Variants in CFAP46 observed in about 807,000 individuals in gnomAD.
The protein encoded by CFAP46 is cilia and flagella associated protein 46.
CFAP46 carries 245 observed loss-of-function variants against 325.7 expected under a neutral mutation model. The observed-to-expected ratio is 0.75, with a 90% CI of 0.68 to 0.84. The LOEUF (loss-of-function observed/expected upper bound fraction) is 0.84. Among genes scored for constraint, CFAP46 ranks in the 40% least tolerant of loss-of-function variants. CFAP46 has a pLI of 0.00. For missense variants in CFAP46, 3,346 were observed against 3,543.0 expected (o/e 0.94, Z 1.41); for synonymous variants, 1,523 against 1,495.9 (o/e 1.02, Z -0.42).
intron 50 of CFAP46, among the ~76,000 whole-genome samples, chr10:132,822,975 TGCA>T (rs1156917459): frequency 1.4e-5 from 2 of 143,782 alleles, no homozygotes; most frequent in South Asian, 2.3e-4. Flanking sequence ...GTGCTGTGTG[TGCA>T]GTGATGTGTG....
chr10:132,878,543 G>A (rs1407947891), intron 29 of CFAP46, among the ~76,000 whole-genome samples: 1 of 152,226 alleles, frequency 6.6e-6, no homozygotes, highest in Non-Finnish European at 1.5e-5. Context: ...GGCCCTGGGG[G>A]AGACTTGCCA....
intron 22 of CFAP46, among the ~76,000 whole-genome samples, chr10:132,900,884 G>A (rs536004187): frequency 5.9e-5 from 9 of 152,342 alleles, no homozygotes; most frequent in Admixed American, 1.3e-4. Flanking sequence ...AGCTAGAATC[G>A]TAGACGTATC....
At position 132,869,387 on chromosome 10, in the gene CFAP46, G is replaced by T; in HGVS notation, c.4512-15C>A. 1 of 1,514,460 alleles carries T rather than the reference G, an allele frequency of 6.6e-7. No homozygotes were observed. The highest frequency in any genetic ancestry group is 2.5e-5 in the East Asian group (1 of 39,914). The allele number at this position is 1,514,460 out of a possible 1,614,324, so 93.8% of individuals were successfully genotyped here. ...CGTGGGCGAGGCTGTGGGGAGTGTG[G>T]CCGAAAGAGTCAGTGTTGCACGGGC... is the stretch of plus-strand genomic sequence containing the variant. On this transcript the variant is annotated splice_polypyrimidine_tract_variant and intron_variant, in intron 32 of 57. Coordinates refer to ENST00000368586, the MANE Select transcript of CFAP46 (RefSeq NM_001200049.3). This position sits in a 1 kb window ranked among gnomAD's most constrained non-coding sequence, Gnocchi z 6.2.
intron 28 of CFAP46, among the ~76,000 whole-genome samples, chr10:132,879,969 C>G (rs1849014420): frequency 6.6e-6 from 1 of 152,160 alleles, no homozygotes; most frequent in Non-Finnish European, 1.5e-5. Flanking sequence ...CCCAGACTGT[C>G]CCAAGGGCCT....
At chr10:132,837,931 A>ATGCACAGACACAGACACGCACGTG (rs1554876894) in intron 44 of CFAP46, among the ~76,000 whole-genome samples, 11 of 142,216 alleles carry the variant, frequency 7.7e-5, no homozygotes, top group East Asian at 2.0e-4. Flanking sequence ...ACACGCAGAC[A>ATGCACAGACACAGACACGCACGTG]TGCACGGACA....
At chr10:132,882,690 G>C (rs1305002219) in intron 27 of CFAP46, among the ~76,000 whole-genome samples, 1 of 151,992 alleles carries the variant, frequency 6.6e-6, no homozygotes, top group East Asian at 1.9e-4. Flanking sequence ...AGATGGCCAA[G>C]GTCCTGCCCT....
In CFAP46 at chr10:132,832,388, G is replaced by GCCCCCGC. The variant is rs796737680; in HGVS notation, c.7117+969_7117+970insGCGGGGG. Among the ~76,000 whole-genome samples the GCCCCCGC allele has an allele frequency of 2.8e-5, 3 of 106,048 alleles. No homozygotes were observed. Among genetic ancestry groups the GCCCCCGC allele is most frequent in the African/African-American group, 1.2e-4 (3 of 24,994 alleles). 69.6% of individuals were successfully genotyped at this position (106,048 alleles called of 152,430 possible). On this transcript the variant is annotated intron_variant, in intron 50 of 57. Coordinates refer to ENST00000368586, the MANE Select transcript of CFAP46 (RefSeq NM_001200049.3). The surrounding 1 kb of genome is among the most constrained non-coding windows in gnomAD (Gnocchi z 4.1). ...TTGCGGAGACCCCTGGGCTCTTCCT[G>GCCCCCGC]CCCCCCCCCCCCAATGCTGTGGCCT...
Position 132,934,634 on chromosome 10 carries a change from T to G in CFAP46, c.866+118A>C. On this transcript the variant is annotated intron_variant, in intron 8 of 57. Coordinates refer to ENST00000368586, the MANE Select transcript of CFAP46 (RefSeq NM_001200049.3). ...ACCTTACTAAAACCTCCACAATGGC[T>G]GGCTTTTGCAAAGGTGGTTCTAGTT... 3 of 678,806 alleles carry G rather than the reference T, an allele frequency of 4.4e-6. No individual in the cohort carries two copies. In the South Asian group the frequency reaches 5.4e-5, roughly 12 times the overall value. The allele number at this position is 678,806 out of a possible 1,614,324, so 42.0% of individuals were successfully genotyped here. A position where few individuals can be genotyped will look rare whatever the true frequency, so the allele number is the denominator to read the frequency against.
In CFAP46 at chr10:132,886,221, A is replaced by G. The variant is rs1029414874; in HGVS notation, c.3305-262T>C. Among the ~76,000 whole-genome samples, 3 of 152,044 alleles carry G rather than the reference A, an allele frequency of 2.0e-5. No homozygotes were observed. Among genetic ancestry groups the G allele is most frequent in the Non-Finnish European group, 4.4e-5 (3 of 67,998 alleles). The stretch of plus-strand genomic sequence containing the variant: ...GTCTCCTTGCTGCCTGTCACTCTCC[A>G]TCTCCTTGGAGAATTCTGCGTTCAC... On this transcript the variant is annotated intron_variant, in intron 25 of 57. Coordinates refer to ENST00000368586, the MANE Select transcript of CFAP46 (RefSeq NM_001200049.3). The surrounding 1 kb of genome is among the most constrained non-coding windows in gnomAD (Gnocchi z 5.8).
At chr10:132,890,545 C>G (rs1318807776) in intron 25 of CFAP46, among the ~76,000 whole-genome samples, 1 of 152,160 alleles carries the variant, frequency 6.6e-6, no homozygotes, top group Non-Finnish European at 1.5e-5. Context: ...GGAGTCCCCC[C>G]CAGAGGAGCG....
At chr10:132,927,370 C>T (rs1049189352) in intron 9 of CFAP46, among the ~76,000 whole-genome samples, 3 of 151,162 alleles carry the variant, frequency 2.0e-5, no homozygotes, top group Non-Finnish European at 1.5e-5. Context: ...CAGACGCCTC[C>T]GTCCCGGGGA....
At chr10:132,842,566 T>C (rs927410654) in intron 44 of CFAP46, among the ~76,000 whole-genome samples, 14 of 152,246 alleles carry the variant, frequency 9.2e-5, no homozygotes, top group Non-Finnish European at 1.8e-4. Context: ...CTCAGTTCCA[T>C]AGCTGCTTCC....
At chr10:132,860,090 A>G (rs1283672149) in intron 37 of CFAP46, among the ~76,000 whole-genome samples, 1 of 152,240 alleles carries the variant, frequency 6.6e-6, no homozygotes, top group East Asian at 1.9e-4. Flanking sequence ...TGAAAGCTAT[A>G]AGAACACACT....
intron 44 of CFAP46, among the ~76,000 whole-genome samples, chr10:132,841,682 G>A (rs1402828782): frequency 1.3e-5 from 2 of 152,224 alleles, no homozygotes; most frequent in Non-Finnish European, 1.5e-5. Flanking sequence ...CAAGCCTGCA[G>A]AATCAGTGCC....
In CFAP46 at chr10:132,834,687, G is replaced by T. The variant is rs148109095; in HGVS notation, c.6833C>A (p.Pro2278Gln). ...GGAGAGGCTGAGCAGGGGGAATAGC[G>T]GCTGCAGAAGCTCCTCCAGGGGCCC... ...VLGPLEELLQ[P>Q]LFPLLSLSKA... Residue 2278 changes from proline (P) to glutamine (Q), a missense_variant, in exon 48 of 58, where the codon CCG becomes CAG. By Grantham distance (76) the Pro-to-Gln change is moderately conservative (BLOSUM62 -1). Coordinates refer to ENST00000368586, the MANE Select transcript of CFAP46 (RefSeq NM_001200049.3). 3.7e-6 allele frequency: 6 copies of T among 1,613,032 alleles called. No individual in the cohort carries two copies. In the Admixed American group the frequency reaches 1.0e-4, roughly 27 times the overall value.
At chr10:132,845,969 C>T (rs1487100537) in intron 44 of CFAP46, 88 bp downstream of exon 44, 21 of 1,389,470 alleles carry the variant, frequency 1.5e-5, no homozygotes, top group South Asian at 6.9e-5. Context: ...AAGGCTGCCT[C>T]GCTCAGGCGT....
intron 50 of CFAP46, among the ~76,000 whole-genome samples, chr10:132,826,593 G>A (rs1394524061): frequency 3.9e-5 from 5 of 128,898 alleles, no homozygotes; most frequent in Non-Finnish European, 8.4e-5. Flanking sequence ...CCAGGGAGGA[G>A]CCGGAGCCAC....
intron 22 of CFAP46, among the ~76,000 whole-genome samples, chr10:132,905,448 TC>T (rs1849443254): frequency 7.2e-6 from 1 of 137,942 alleles, no homozygotes; most frequent in Admixed American, 7.1e-5. Flanking sequence ...CACATATCTT[TC>T]CTTTTTTTTT....
chr10:132,912,818 T>C lies in CFAP46; in HGVS notation c.2336A>G (p.Asp779Gly). 2 of 1,548,202 alleles carry C rather than the reference T, an allele frequency of 1.3e-6. No individual in the cohort carries two copies. Among genetic ancestry groups the C allele is most frequent in the Non-Finnish European group, 1.7e-6 (2 of 1,146,490 alleles). Residue 779 changes from aspartate to glycine, a missense_variant and splice_region_variant, in exon 19 of 58, where the codon GAC (aspartate) becomes GGC (glycine). By Grantham distance (94) the Asp-to-Gly change is moderately conservative. Transcript: ENST00000368586. ...GCAGAGCGTCACCAGCATCACGGGG[T>C]CCCTGGGAGACATGCTTGTCAGAGG... ...SIVKATGHSG[D>G]PVMLVTLCNT... is the part of the protein sequence containing the mutation.
Sources: gnomAD v4.1 joint callset for allele counts (sites outside exome capture counted in the v4.1 genomes callset) on GRCh38, gnomAD v4.1.1 for gene constraint, Gnocchi (gnomAD v3.1) non-coding constraint, MANE v1.5 for transcripts, NCBI Gene and HGNC (gene_info 2026-07-23, HGNC 2026-07-21) for gene names.